Variants in ICA1 observed in about 807,000 individuals in gnomAD.
ICA1 encodes islet cell autoantigen 1.
In ICA1, 40 loss-of-function variants were observed where a neutral mutation model predicts 71.0. That is an observed-to-expected ratio of 0.56 (90% CI 0.44 to 0.73). The LOEUF (loss-of-function observed/expected upper bound fraction) is 0.73, where lower values mean the gene tolerates loss of function less well. Ranked by LOEUF, ICA1 falls within the 30% of genes least tolerant of loss-of-function variation. ICA1 has a pLI of 0.00. For missense variants in ICA1, 578 were observed against 576.5 expected, an observed-to-expected ratio of 1.00 and a Z score of -0.03; for synonymous variants, 207 against 209.5, an observed-to-expected ratio of 0.99 and a Z score of 0.10.
chr7:8,156,303 T>C (rs574920718), intron 8 of ICA1, among the ~76,000 whole-genome samples: 2 of 152,370 alleles, frequency 1.3e-5, no homozygotes, highest in African/African-American at 4.8e-5. Context: ...ATGAAACACA[T>C]ACAAATTGCT....
At chr7:8,166,372 C>T (rs867483411) in intron 6 of ICA1, among the ~76,000 whole-genome samples, 64 of 151,798 alleles carry the variant, frequency 4.2e-4, no homozygotes, top group African/African-American at 1.5e-3. Context: ...TCAACAAAGT[C>T]GACAAAAACA....
intron 1 of ICA1, among the ~76,000 whole-genome samples, chr7:8,254,816 T>A (rs1193494399): frequency 1.3e-5 from 2 of 152,050 alleles, no homozygotes; most frequent in African/African-American, 4.8e-5. Flanking sequence ...ATGATGCCAA[T>A]GCTGCAAATG....
At chr7:8,214,433 G>C (rs1794762513) in intron 6 of ICA1, among the ~76,000 whole-genome samples, 3 of 152,172 alleles carry the variant, frequency 2.0e-5, no homozygotes, top group Admixed American at 2.0e-4. Flanking sequence ...GAATCACGCT[G>C]TCAGGAGGAA....
At chr7:8,200,576 T>C (rs917438309) in intron 6 of ICA1, among the ~76,000 whole-genome samples, 1 of 152,078 alleles carries the variant, frequency 6.6e-6, no homozygotes, top group African/African-American at 2.4e-5. Flanking sequence ...TTGACAAGTA[T>C]GGAAGGGGCC....
intron 7 of ICA1, 28 bp from the exon 8 acceptor site, chr7:8,157,242 A>G: frequency 6.4e-7 from 1 of 1,563,412 alleles, no homozygotes; most frequent in Non-Finnish European, 8.6e-7. Context: ...AAAGCTATTA[A>G]TGTTTTGAAT....
intron 1 of ICA1, among the ~76,000 whole-genome samples, chr7:8,256,107 T>C (rs957668668): frequency 1.3e-5 from 2 of 152,188 alleles, no homozygotes; most frequent in African/African-American, 4.8e-5. Context: ...CTCCAGGTTC[T>C]CTCCATTCTA....
At chr7:8,213,869 G>A (rs1438478370) in intron 6 of ICA1, among the ~76,000 whole-genome samples, 1 of 145,194 alleles carries the variant, frequency 6.9e-6, no homozygotes, top group Non-Finnish European at 1.5e-5. Context: ...AATATGATTA[G>A]TGCATGAACA....
intron 6 of ICA1, among the ~76,000 whole-genome samples, chr7:8,175,636 G>A (rs1430377522): frequency 6.6e-6 from 1 of 152,130 alleles, no homozygotes; most frequent in Non-Finnish European, 1.5e-5. Context: ...AGATAATAGT[G>A]GAAAAGCCAC....
intron 6 of ICA1, among the ~76,000 whole-genome samples, chr7:8,163,611 T>G (rs1319407765): frequency 6.6e-6 from 1 of 152,230 alleles, no homozygotes; most frequent in Non-Finnish European, 1.5e-5. Context: ...CCAAGGAATC[T>G]GACCCAGAGG....
intron 6 of ICA1, among the ~76,000 whole-genome samples, chr7:8,166,422 G>A (rs1806011425): frequency 6.6e-6 from 1 of 152,004 alleles, no homozygotes; most frequent in South Asian, 2.1e-4. Context: ...AAATGGTGCT[G>A]GGATAACTGC....
chr7:8,125,184 T>C (rs1365863702), intron 13 of ICA1, among the ~76,000 whole-genome samples: 1 of 152,208 alleles, frequency 6.6e-6, no homozygotes, highest in Non-Finnish European at 1.5e-5. Context: ...AATCAGATCA[T>C]GTTTCTCTTT....
intron 6 of ICA1, among the ~76,000 whole-genome samples, chr7:8,162,158 G>C (rs1804088178): frequency 6.6e-6 from 1 of 152,158 alleles, no homozygotes; most frequent in African/African-American, 2.4e-5. Flanking sequence ...TATCTTAGGA[G>C]AAAACTTATT....
rs553698823 is a variant in ICA1 at position 8,184,937 on chromosome 7, G to T, written c.580-26285C>A. Among the ~76,000 whole-genome samples, 3 of 152,252 alleles carry T rather than the reference G, an allele frequency of 2.0e-5. No individual in the cohort carries two copies. The South Asian group carries it at 6.2e-4, about 32-fold the overall frequency. Reference sequence around the variant, plus strand: ...TAAAATACAAAAATTAGTTAGGCTTGGTGGCGTGCGCCTATAGTCCTAGCT... The same window carrying T: ...TAAAATACAAAAATTAGTTAGGCTTTGTGGCGTGCGCCTATAGTCCTAGCT... On this transcript the variant is annotated intron_variant, in intron 6 of 13. Transcript: ENST00000402384.
chr7:8,259,653 C>T (rs1233341659), intron 1 of ICA1, among the ~76,000 whole-genome samples: 1 of 152,150 alleles, frequency 6.6e-6, no homozygotes, highest in Non-Finnish European at 1.5e-5. Context: ...TATTCCTGTT[C>T]TGTAGATAAG....
intron 8 of ICA1, among the ~76,000 whole-genome samples, chr7:8,146,886 A>G (rs145267129): frequency 0.15 from 21,953 of 144,290 alleles, 1,963 homozygotes; most frequent in Non-Finnish European, 0.21. Context: ...ACACACGCAC[A>G]CACACACACA....
At chr7:8,193,557 A>G (rs1174716804) in intron 6 of ICA1, among the ~76,000 whole-genome samples, 1 of 152,242 alleles carries the variant, frequency 6.6e-6, no homozygotes, top group Admixed American at 6.5e-5. Flanking sequence ...AAAGAGGTCA[A>G]TATATTCATT....
chr7:8,141,686 T>G, intron 10 of ICA1, 79 bp downstream of exon 10: 2 of 876,408 alleles, frequency 2.3e-6, no homozygotes, highest in East Asian at 2.6e-5. Flanking sequence ...AGGAGGAGTT[T>G]GTCAAAAAGT....
chr7:8,155,731 C>T (rs1415374950), intron 8 of ICA1, among the ~76,000 whole-genome samples: 2 of 152,176 alleles, frequency 1.3e-5, no homozygotes, highest in Non-Finnish European at 2.9e-5. Flanking sequence ...GGATTTTGCT[C>T]AGGCCTGTAT....
chr7:8,145,764 A>ATATATATATATG (rs55971486), intron 8 of ICA1, among the ~76,000 whole-genome samples: 3,126 of 136,234 alleles, frequency 0.023, 244 homozygotes, highest in Non-Finnish European at 0.033. Flanking sequence ...ATATATATAT[A>ATATATATATATG]TATGTATATA....
Sources: gnomAD v4.1 joint callset for allele counts (sites outside exome capture counted in the v4.1 genomes callset) on GRCh38, gnomAD v4.1.1 for gene constraint, MANE v1.5 for transcripts, NCBI Gene and HGNC (gene_info 2026-07-23, HGNC 2026-07-21) for gene names.